Variants in VIPAS39 observed in about 807,000 individuals in gnomAD.
VIPAS39 encodes VPS33B interacting protein, apical-basolateral polarity regulator, spe-39 homolog.
VIPAS39 carries 63 observed loss-of-function variants against 84.7 expected under a neutral mutation model. The observed-to-expected ratio is 0.74, with a 90% confidence interval of 0.61 to 0.92. The LOEUF is 0.92. Among genes scored for constraint, VIPAS39 ranks in the 40% least tolerant of loss-of-function variants. The pLI is 0.00. For missense variants in VIPAS39, 499 were observed against 604.5 expected, an observed-to-expected ratio of 0.83 and a Z score of 1.83; for synonymous variants, 192 against 216.5, an observed-to-expected ratio of 0.89 and a Z score of 0.99.
At chr14:77,457,264 TA>T in intron 1 of VIPAS39, 1 of 1,535,250 alleles carries the variant, frequency 6.5e-7, no homozygotes, top group Non-Finnish European at 8.7e-7. Context: ...CTGGCAGAGT[TA>T]AATGCTCGTT....
At chr14:77,441,197 C>A (rs2078698201) in intron 10 of VIPAS39, 104 bp from the exon 11 acceptor site, 1 of 1,259,754 alleles carries the variant, frequency 7.9e-7, no homozygotes, top group African/African-American at 1.5e-5. Flanking sequence ...AATTCAAACT[C>A]ATTTCCCTCT....
At chr14:77,435,710 G>T in intron 13 of VIPAS39, 134 bp downstream of exon 13, 1 of 1,030,236 alleles carries the variant, frequency 9.7e-7, no homozygotes, top group Non-Finnish European at 1.5e-6. Flanking sequence ...GGGCTATTGT[G>T]TACAGGCAGA....
chr14:77,457,450 G>A, intron 1 of VIPAS39, 45 bp downstream of exon 1: 1 of 1,511,984 alleles, frequency 6.6e-7, no homozygotes, highest in Non-Finnish European at 8.9e-7. Flanking sequence ...CGGAGAGGCT[G>A]GATCCAGCCA....
intron 19 of VIPAS39, 52 bp downstream of exon 19, chr14:77,428,318 G>A: frequency 6.6e-7 from 1 of 1,525,830 alleles, no homozygotes; most frequent in Non-Finnish European, 9.1e-7. Flanking sequence ...GTACTATTTT[G>A]TGAACTGTCT....
In VIPAS39 at chr14:77,426,984, A is replaced by G. The variant is rs537143697; in HGVS notation, c.*632T>C. 3.3e-5 allele frequency: 5 copies of G among 153,142 alleles called. No individual in the cohort carries two copies. The highest frequency in any genetic ancestry group is 1.2e-4 in the African/African-American group (5 of 41,578). 9.5% of individuals were successfully genotyped at this position (153,142 alleles called of 1,614,324 possible). On this transcript the variant is annotated 3_prime_UTR_variant, in exon 20 of 20. Coordinates refer to ENST00000557658, the MANE Select transcript of VIPAS39 (RefSeq NM_001193315.2). ...GATAAAGGGGATGTCTCATCACCCAAGCAAGGTCGTCTGTGTTCAAGTGAG... is the reference window on the plus strand; with the variant it reads ...GATAAAGGGGATGTCTCATCACCCAGGCAAGGTCGTCTGTGTTCAAGTGAG...
intron 4 of VIPAS39, among the ~76,000 whole-genome samples, chr14:77,450,775 G>A (rs2078869000): frequency 6.6e-6 from 1 of 152,190 alleles, no homozygotes; most frequent in African/African-American, 2.4e-5. Context: ...TCCCAAAAGT[G>A]CTGGGATTAC....
In VIPAS39 at chr14:77,426,815, C is replaced by T. The variant is rs1023215190; in HGVS notation, c.*801G>A. ...TAAAACCTCCATCTAAATATCCTAA[C>T]AGAAATGCTGCTGAATTTAGCCCAG... is the stretch of plus-strand genomic sequence containing the variant. On this transcript the variant is annotated 3_prime_UTR_variant, in exon 20 of 20. Coordinates refer to ENST00000557658, the MANE Select transcript of VIPAS39 (RefSeq NM_001193315.2). 1.3e-5 allele frequency: 2 copies of T among 152,196 alleles called. No homozygotes were observed. The highest frequency in any genetic ancestry group is 6.5e-5 in the Admixed American group (1 of 15,276). The allele number at this position is 152,196 out of a possible 1,614,324, so 9.4% of individuals were successfully genotyped here.
chr14:77,435,271 G>C lies in VIPAS39; in HGVS notation c.1035C>G (p.Tyr345Ter). The C allele has an allele frequency of 6.2e-7, 1 of 1,614,170 alleles. No individual in the cohort carries two copies. The highest frequency in any genetic ancestry group is 8.5e-7 in the Non-Finnish European group (1 of 1,180,030). ...TTLFYSCFYH[Y>*]TEAEGTFSSP... ...ATTTTGCCTGTACCTCAGCCTCTGTGTAGTGATAGAAGCAGGAGTAGAAAA... is the reference window on the plus strand; with the variant it reads ...ATTTTGCCTGTACCTCAGCCTCTGTCTAGTGATAGAAGCAGGAGTAGAAAA... The change falls in exon 14 of 20, where the codon TAC (tyrosine) becomes TAG (stop). Residue 345 changes from tyrosine to a stop codon, truncating the protein, a stop_gained. Coordinates refer to ENST00000557658, the MANE Select transcript of VIPAS39 (RefSeq NM_001193315.2). LOFTEE classifies it high-confidence loss of function.
At position 77,433,048 on chromosome 14, in the gene VIPAS39, C is replaced by T. The variant is rs190957516; in HGVS notation, c.1179+794G>A. On this transcript the variant is annotated intron_variant, in intron 16 of 19. Coordinates refer to ENST00000557658, the MANE Select transcript of VIPAS39 (RefSeq NM_001193315.2). ...AAAAGGTAAATCAGTAAAGACATGA[C>T]AACCAAACTCAATCCAAGGTCTTTG... 2.1e-3 allele frequency among the ~76,000 whole-genome samples: 320 copies of T among 152,088 alleles called. 3 individuals are homozygous for T. Among genetic ancestry groups the T allele is most frequent in the African/African-American group, 7.2e-3 (300 of 41,504 alleles).
chr14:77,446,703 C>T (rs1408960552), intron 7 of VIPAS39, among the ~76,000 whole-genome samples: 2 of 152,100 alleles, frequency 1.3e-5, no homozygotes, highest in African/African-American at 2.4e-5. Context: ...TTGATTTCAA[C>T]ATTTATATAA....
intron 7 of VIPAS39, among the ~76,000 whole-genome samples, chr14:77,448,272 A>G (rs2078828445): frequency 6.6e-6 from 1 of 152,152 alleles, no homozygotes. Context: ...TCACTCTTAA[A>G]TGTACTTTTC....
At position 77,451,457 on chromosome 14, in the gene VIPAS39, G is replaced by A. The variant is rs2078880381; in HGVS notation, c.197-124C>T. On this transcript the variant is annotated intron_variant, in intron 3 of 19. Coordinates refer to ENST00000557658, the MANE Select transcript of VIPAS39 (RefSeq NM_001193315.2). ...GGTCCCTTGGCCAACTTGGGGCAGG[G>A]AGAAAAGATAGAATCAAATAGACTA... is the stretch of plus-strand genomic sequence containing the variant. The A allele has an allele frequency of 7.1e-6, 10 of 1,415,958 alleles. No individual in the cohort carries two copies. In the South Asian group the frequency reaches 1.1e-4, roughly 15 times the overall value. 87.7% of individuals were successfully genotyped at this position (1,415,958 alleles called of 1,614,324 possible). A position where few individuals can be genotyped will look rare whatever the true frequency, so the allele number is the denominator to read the frequency against.
intron 12 of VIPAS39, 37 bp downstream of exon 12, chr14:77,437,771 G>A (rs768483475): frequency 6.3e-6 from 10 of 1,592,790 alleles, no homozygotes; most frequent in Non-Finnish European, 8.6e-6. Context: ...CTGGGTAAAG[G>A]TATTTATACT....
intron 16 of VIPAS39, among the ~76,000 whole-genome samples, chr14:77,431,619 A>T (rs1290206102): frequency 3.9e-5 from 6 of 152,140 alleles, no homozygotes; most frequent in Non-Finnish European, 8.8e-5. Flanking sequence ...GCAGTGAGCT[A>T]CGGTCATGCC....
intron 6 of VIPAS39, 83 bp downstream of exon 6, chr14:77,449,210 A>G (rs1237894967): frequency 1.4e-6 from 2 of 1,435,196 alleles, no homozygotes; most frequent in Non-Finnish European, 2.0e-6. Context: ...CTACTCAAAT[A>G]GTTGGGAAAA....
rs778764529 is a variant in VIPAS39, at chr14:77,435,347, C to T, written c.959G>A (p.Arg320Gln). Residue 320 changes from arginine to glutamine, a missense_variant, in exon 14 of 20, where the codon CGA (arginine) becomes CAA (glutamine). Transcript: ENST00000557658. Reference sequence around the variant, plus strand: ...GATGGAGGCTTTGCGGGGGTGCTTTCGGAAGATCTCAGTCTGTCCTGCTGA... The same window carrying T: ...GATGGAGGCTTTGCGGGGGTGCTTTTGGAAGATCTCAGTCTGTCCTGCTGA... ...LESAGQTEIF[R>Q]KHPRKASILN... The T allele has an allele frequency of 1.6e-5, 26 of 1,605,974 alleles. No homozygotes were observed. Among genetic ancestry groups the T allele is most frequent in the East Asian group, 2.3e-5 (1 of 44,210 alleles).
intron 16 of VIPAS39, among the ~76,000 whole-genome samples, chr14:77,430,381 C>T (rs1049549716): frequency 6.6e-6 from 1 of 151,886 alleles, no homozygotes; most frequent in African/African-American, 2.4e-5. Context: ...CATATTGAAC[C>T]GCCAAAGATC....
At chr14:77,450,289 T>C (rs2078861838) in intron 4 of VIPAS39, among the ~76,000 whole-genome samples, 1 of 152,236 alleles carries the variant, frequency 6.6e-6, no homozygotes, top group African/African-American at 2.4e-5. Flanking sequence ...TATGGCAGCA[T>C]GTATGGGAAT....
intron 6 of VIPAS39, among the ~76,000 whole-genome samples, chr14:77,448,806 C>A (rs1226655218): frequency 6.6e-6 from 1 of 152,118 alleles, no homozygotes; most frequent in Non-Finnish European, 1.5e-5. Context: ...CCCATGCCTA[C>A]CAGTTCAGGA....
Sources: gnomAD v4.1 joint callset for allele counts (sites outside exome capture counted in the v4.1 genomes callset) on GRCh38, gnomAD v4.1.1 for gene constraint, MANE v1.5 for transcripts, NCBI Gene and HGNC (gene_info 2026-07-23, HGNC 2026-07-21) for gene names.